FAF1: variants seen among roughly 807,000 people sequenced by gnomAD.
The protein encoded by FAF1 is Fas associated factor 1, also known as FAS-associated factor 1.
A neutral mutation model predicts 92.5 loss-of-function variants in FAF1; 25 were observed. That is an observed-to-expected ratio of 0.27 (90% confidence interval 0.20 to 0.38). The LOEUF is 0.38. Ranked by LOEUF, FAF1 falls within the 10% of genes least tolerant of loss-of-function variation. The probability of loss-of-function intolerance (pLI) is 1.00; values close to 1 mark genes in which losing one functional copy is unlikely to be tolerated. For missense variants in FAF1, 636 were observed against 793.3 expected, an observed-to-expected ratio of 0.80 and a Z score of 2.38; for synonymous variants, 234 against 273.2, an observed-to-expected ratio of 0.86 and a Z score of 1.42.
intron 3 of FAF1, among the ~76,000 whole-genome samples, chr1:50,794,638 T>C (rs1038242435): frequency 2.0e-5 from 3 of 152,228 alleles, no homozygotes; most frequent in African/African-American, 7.2e-5. Flanking sequence ...GTTTGTTTGT[T>C]TGGAGACAGA....
In FAF1 at chr1:50,828,345, T is replaced by C. The variant is rs535305927; in HGVS notation, c.115-26668A>G. On this transcript the variant is annotated intron_variant, in intron 2 of 18. Transcript: ENST00000396153. ...GTGCAGTGGCACGATCTTGGCTCAC[T>C]GCAAGCTCCACCTCCTGGGTTCACG... Among the ~76,000 whole-genome samples, 5 of 151,770 alleles carry C rather than the reference T, an allele frequency of 3.3e-5. No individual in the cohort carries two copies. The South Asian group carries it at 1.0e-3, about 32-fold the overall frequency.
At chr1:50,523,083 C>T (rs957271847) in intron 15 of FAF1, among the ~76,000 whole-genome samples, 1 of 152,122 alleles carries the variant, frequency 6.6e-6, no homozygotes, top group African/African-American at 2.4e-5. Flanking sequence ...TATGTTGCAA[C>T]ATTTATCAGT....
intron 15 of FAF1, among the ~76,000 whole-genome samples, chr1:50,514,699 T>G (rs537400001): frequency 9.8e-5 from 15 of 152,334 alleles, no homozygotes; most frequent in African/African-American, 3.6e-4. Context: ...AAGATTCTTT[T>G]TCATCTGGAT....
intron 2 of FAF1, 59 bp downstream of exon 2, chr1:50,857,868 TAA>T (rs1644402397): frequency 9.5e-7 from 1 of 1,051,016 alleles, no homozygotes; most frequent in Non-Finnish European, 1.4e-6. Context: ...AAAAAATAAT[TAA>T]AGACATTCAA....
At position 50,880,013 on chromosome 1, in the gene FAF1, T is replaced by C. The variant is rs1365781800; in HGVS notation, c.46-22016A>G. 2.6e-5 allele frequency among the ~76,000 whole-genome samples: 4 copies of C among 152,184 alleles called. No individual in the cohort carries two copies. The East Asian group carries it at 7.7e-4, about 29-fold the overall frequency. The stretch of plus-strand genomic sequence containing the variant: ...TCTTGACAAAGTAGAGAAAAACACA[T>C]ATCATTTCATCTTCTCTATTATTTA... On this transcript the variant is annotated intron_variant, in intron 1 of 18. Transcript: ENST00000396153.
intron 4 of FAF1, among the ~76,000 whole-genome samples, chr1:50,780,069 A>G (rs1368463073): frequency 1.3e-5 from 2 of 152,012 alleles, no homozygotes; most frequent in African/African-American, 4.8e-5. Context: ...GACAGAAAAC[A>G]TATAAGAAAA....
chr1:50,717,945 C>T (rs1272782668), intron 6 of FAF1, among the ~76,000 whole-genome samples: 1 of 152,044 alleles, frequency 6.6e-6, no homozygotes. Context: ...ACCATTTTTA[C>T]AGTTACATGG....
At chr1:50,780,694 C>A in intron 4 of FAF1, 1 of 270,692 alleles carries the variant, frequency 3.7e-6, no homozygotes, top group South Asian at 3.8e-5. Flanking sequence ...CATGTGCTGC[C>A]ACCTATCATC....
intron 1 of FAF1, among the ~76,000 whole-genome samples, chr1:50,951,423 ACTTT>A (rs1461257938): frequency 1.3e-5 from 2 of 152,202 alleles, no homozygotes; most frequent in Admixed American, 6.5e-5. Flanking sequence ...TTTATTGAAC[ACTTT>A]CTATGTCAGA....
intron 6 of FAF1, among the ~76,000 whole-genome samples, chr1:50,722,517 C>T (rs923119022): frequency 2.0e-5 from 3 of 151,916 alleles, no homozygotes; most frequent in Non-Finnish European, 2.9e-5. Flanking sequence ...GGCGTGGCGG[C>T]GGGCGCCTGT....
chr1:50,760,522 G>T (rs879885040), intron 4 of FAF1, among the ~76,000 whole-genome samples: 99 of 152,132 alleles, frequency 6.5e-4, no homozygotes, highest in Non-Finnish European at 1.2e-3. Flanking sequence ...TAGAACTCAG[G>T]ATTAAGAAAC....
chr1:50,717,654 AT>A (rs1487792402), intron 6 of FAF1, among the ~76,000 whole-genome samples: 1 of 152,158 alleles, frequency 6.6e-6, no homozygotes, highest in African/African-American at 2.4e-5. Flanking sequence ...ATCCCTTTTC[AT>A]AGGGTATCAC....
intron 8 of FAF1, among the ~76,000 whole-genome samples, chr1:50,598,985 A>C (rs1348644558): frequency 6.6e-6 from 1 of 152,192 alleles, no homozygotes; most frequent in Non-Finnish European, 1.5e-5. Flanking sequence ...AAAAAAGAAC[A>C]TACTATGTGA....
chr1:50,922,221 G>GGC (rs1644969106), intron 1 of FAF1, among the ~76,000 whole-genome samples: 1 of 151,328 alleles, frequency 6.6e-6, no homozygotes, highest in Non-Finnish European at 1.5e-5. Flanking sequence ...CACTTTGGGA[G>GGC]GCCAAGGCAG....
At chr1:50,851,038 G>C (rs1427132738) in intron 2 of FAF1, among the ~76,000 whole-genome samples, 1 of 151,118 alleles carries the variant, frequency 6.6e-6, no homozygotes, top group East Asian at 1.9e-4. Context: ...AGTACACAGT[G>C]CATCTGATTG....
At chr1:50,846,313 A>G (rs1644298856) in intron 2 of FAF1, among the ~76,000 whole-genome samples, 1 of 151,828 alleles carries the variant, frequency 6.6e-6, no homozygotes. Flanking sequence ...AGACTCATGC[A>G]TGAGGGGGCC....
At chr1:50,857,248 A>T (rs529863954) in intron 2 of FAF1, among the ~76,000 whole-genome samples, 1 of 151,836 alleles carries the variant, frequency 6.6e-6, no homozygotes, top group African/African-American at 2.4e-5. Context: ...ACTCACTTCT[A>T]TAAGTACACA....
At chr1:50,503,457 A>G (rs1647016423) in intron 15 of FAF1, among the ~76,000 whole-genome samples, 1 of 152,024 alleles carries the variant, frequency 6.6e-6, no homozygotes. Flanking sequence ...TGACTCTACC[A>G]AAAATTTAAA....
chr1:50,919,180 G>T (rs1289384429), intron 1 of FAF1, among the ~76,000 whole-genome samples: 1 of 151,882 alleles, frequency 6.6e-6, no homozygotes, highest in East Asian at 1.9e-4. Context: ...TGAAAAACAT[G>T]CAAATAATGA....
Sources: allele counts gnomAD v4.1 joint callset (sites outside exome capture counted in the v4.1 genomes callset), GRCh38; gene constraint gnomAD v4.1.1; transcripts MANE v1.5; gene names NCBI Gene and HGNC (gene_info 2026-07-23, HGNC 2026-07-21).